Variants in NTNG2 observed in about 807,000 individuals in gnomAD.
NTNG2 encodes netrin-G2.
A neutral mutation model predicts 47.6 loss-of-function variants in NTNG2; 15 were observed. The observed-to-expected ratio is 0.32, with a 90% CI of 0.21 to 0.49. The LOEUF (loss-of-function observed/expected upper bound fraction) is 0.49. Among genes scored for constraint, NTNG2 ranks in the 20% least tolerant of loss-of-function variants. The pLI is 0.99. For synonymous variants in NTNG2, 307 were observed against 324.6 expected, an observed-to-expected ratio of 0.95 and a Z score of 0.58; for missense variants, 578 against 764.6, an observed-to-expected ratio of 0.76 and a Z score of 2.88.
intron 2 of NTNG2, among the ~76,000 whole-genome samples, chr9:132,184,230 G>A (rs955060382): frequency 4.6e-5 from 7 of 152,184 alleles, no homozygotes; most frequent in East Asian, 1.9e-4. Context: ...AGAAACCCTC[G>A]GAGGTCGCAG....
intron 2 of NTNG2, among the ~76,000 whole-genome samples, chr9:132,167,434 C>G (rs901899748): frequency 6.6e-6 from 1 of 152,230 alleles, no homozygotes; most frequent in African/African-American, 2.4e-5. Context: ...TGTAAGCTCC[C>G]TCTGTTCATC....
chr9:132,234,324 G>A (rs1378304823), intron 5 of NTNG2, among the ~76,000 whole-genome samples: 2 of 152,160 alleles, frequency 1.3e-5, no homozygotes, highest in African/African-American at 2.4e-5. Context: ...CACCGCACCC[G>A]GCCAAGTAGT....
chr9:132,184,257 G>A (rs990333065), intron 2 of NTNG2, among the ~76,000 whole-genome samples: 1 of 152,218 alleles, frequency 6.6e-6, no homozygotes, highest in African/African-American at 2.4e-5. Context: ...GCTGTTCTCA[G>A]GGGCAGGCCC....
intron 3 of NTNG2, among the ~76,000 whole-genome samples, chr9:132,211,803 G>A (rs972559884): frequency 6.6e-6 from 1 of 152,162 alleles, no homozygotes; most frequent in African/African-American, 2.4e-5. Flanking sequence ...GTACACGTCT[G>A]ACACCCGCCC....
chr9:132,225,706 C>T (rs757613369), intron 3 of NTNG2, among the ~76,000 whole-genome samples: 1 of 152,130 alleles, frequency 6.6e-6, no homozygotes, highest in Non-Finnish European at 1.5e-5. Context: ...CATTTGTTTG[C>T]GTGTTTGATT....
In NTNG2 at chr9:132,166,972, G is replaced by A. The variant is rs148374128; in HGVS notation, c.141G>A (p.Lys47=). The A allele has an allele frequency of 1.9e-5, 31 of 1,614,142 alleles. No individual in the cohort carries two copies. The highest frequency in any genetic ancestry group is 4.0e-5 in the African/African-American group (3 of 74,946). ...GCCAGCCCAAGGTGATGCGCCTGAAGGACTACGTCAAGGTGAAGGTGGAGC... is the reference window on the plus strand; with the variant it reads ...GCCAGCCCAAGGTGATGCGCCTGAAAGACTACGTCAAGGTGAAGGTGGAGC... ...YACQPKVMRL[K]DYVKVKVEPS... The change falls in exon 2 of 8, where the codon AAG becomes AAA. Residue 47 remains lysine (K), a synonymous_variant. Transcript: ENST00000393229.
rs1470039619 is a variant in NTNG2 at position 132,162,553 on chromosome 9, T to TGA, written c.-484+315_-484+316insAG. 8.5e-5 allele frequency among the ~76,000 whole-genome samples: 8 copies of TGA among 93,926 alleles called. No individual in the cohort carries two copies. The highest frequency in any genetic ancestry group is 3.8e-4 in the African/African-American group (7 of 18,620). The allele number at this position is 93,926 out of a possible 152,430, so 61.6% of individuals were successfully genotyped here. Reference sequence around the variant, plus strand: ...GTGTGAGAGTGTGTGTGTGTGTGTGTGTGAGAGAGAGACAGAGTGTGTGTG... The same window carrying TGA: ...GTGTGAGAGTGTGTGTGTGTGTGTGTGAGTGAGAGAGAGACAGAGTGTGTGTG... On this transcript the variant is annotated intron_variant, in intron 1 of 7. Transcript: ENST00000393229. The surrounding 1 kb of genome is among the most constrained non-coding windows in gnomAD (Gnocchi z 4.6).
At chr9:132,176,318 T>C (rs1004183239) in intron 2 of NTNG2, among the ~76,000 whole-genome samples, 3 of 152,144 alleles carry the variant, frequency 2.0e-5, no homozygotes, top group Non-Finnish European at 2.9e-5. Flanking sequence ...ATCGCCCCAA[T>C]AGAAAACCCT....
intron 2 of NTNG2, among the ~76,000 whole-genome samples, chr9:132,185,867 A>G (rs1159290333): frequency 1.4e-5 from 2 of 148,052 alleles, no homozygotes; most frequent in Non-Finnish European, 3.0e-5. Flanking sequence ...TGGGAGGAGG[A>G]GGAGGAGTGG....
At position 132,236,454 on chromosome 9, in the gene NTNG2, G is replaced by A. The variant is rs1182590814; in HGVS notation, c.1055-2650G>A. ...TGGCCCCAGCTCACCAAGCCTGGGT[G>A]GGGAATTAGGGCCTGAGGTCTAGGG... is the stretch of plus-strand genomic sequence containing the variant. On this transcript the variant is annotated intron_variant, in intron 5 of 7. Coordinates refer to ENST00000393229, the MANE Select transcript of NTNG2 (RefSeq NM_032536.4). This position sits in a 1 kb window ranked among gnomAD's most constrained non-coding sequence, Gnocchi z 4.3. Among the ~76,000 whole-genome samples, 1 of 152,200 alleles carries A rather than the reference G, an allele frequency of 6.6e-6. No individual in the cohort carries two copies.
In NTNG2 at chr9:132,241,977, G is replaced by A; in HGVS notation, c.1459G>A (p.Glu487Lys). 1 of 1,522,666 alleles carries A rather than the reference G, an allele frequency of 6.6e-7. No homozygotes were observed. Among genetic ancestry groups the A allele is most frequent in the Non-Finnish European group, 8.7e-7 (1 of 1,143,948 alleles). The allele number at this position is 1,522,666 out of a possible 1,614,324, so 94.3% of individuals were successfully genotyped here. The change falls in exon 8 of 8, where the codon GAG becomes AAG. Residue 487 changes from glutamate (E) to lysine (K), a missense_variant. Coordinates refer to ENST00000393229, the MANE Select transcript of NTNG2 (RefSeq NM_032536.4). ...GCGCGGCTACACCGGCGTGCGCTGC[G>A]AGCAGCCCCGCTGCGACCCCGCCGA... ...CPRGYTGVRC[E>K]QPRCDPADDD...
chr9:132,201,231 GC>G (rs945492920), intron 3 of NTNG2, among the ~76,000 whole-genome samples: 8 of 152,248 alleles, frequency 5.3e-5, no homozygotes, highest in African/African-American at 1.9e-4. Context: ...TCTGCATCCT[GC>G]CTTGATTTCC....
rs1440400207 is a variant in NTNG2 at position 132,180,438 on chromosome 9, C to T, written c.213+13394C>T. Among the ~76,000 whole-genome samples the T allele has an allele frequency of 1.3e-5, 2 of 152,342 alleles. No individual in the cohort carries two copies. The highest frequency in any genetic ancestry group is 4.1e-4 in the South Asian group (2 of 4,832). On this transcript the variant is annotated intron_variant, in intron 2 of 7. Transcript: ENST00000393229. The surrounding 1 kb of genome is among the most constrained non-coding windows in gnomAD (Gnocchi z 4.2). ...TGGAGAAGGCTGTTAATCCAGAACG[C>T]ACCTTGTCTCTGCCCCTGTCCCCAC...
chr9:132,206,569 A>G (rs1363702233), intron 3 of NTNG2, among the ~76,000 whole-genome samples: 1 of 152,226 alleles, frequency 6.6e-6, no homozygotes, highest in Non-Finnish European at 1.5e-5. Context: ...CGGGAGGCTG[A>G]GGCAGGAGAA....
rs986752791 is a variant in NTNG2, at chr9:132,215,341, G to A, written c.858-11508G>A. On this transcript the variant is annotated intron_variant, in intron 3 of 7. Coordinates refer to ENST00000393229, the MANE Select transcript of NTNG2 (RefSeq NM_032536.4). The surrounding 1 kb of genome is among the most constrained non-coding windows in gnomAD (Gnocchi z 4.2). ...TATACCTGTAATCCCAGCATTTTGG[G>A]AGGCCGAGGTGGGCGGATCATTTGA... Among the ~76,000 whole-genome samples the A allele has an allele frequency of 6.6e-5, 10 of 152,124 alleles. No homozygotes were observed. Among genetic ancestry groups the A allele is most frequent in the African/African-American group, 2.4e-4 (10 of 41,422 alleles).
At chr9:132,202,626 A>G (rs968124316) in intron 3 of NTNG2, among the ~76,000 whole-genome samples, 1 of 152,126 alleles carries the variant, frequency 6.6e-6, no homozygotes, top group Non-Finnish European at 1.5e-5. Flanking sequence ...CAGAATCTGG[A>G]TTTGAGGAGG....
At chr9:132,189,931 G>A (rs562981593) in intron 2 of NTNG2, among the ~76,000 whole-genome samples, 4 of 148,756 alleles carry the variant, frequency 2.7e-5, no homozygotes, top group Admixed American at 1.3e-4. Context: ...TTACAGGCGT[G>A]AGCAACTGTG....
intron 2 of NTNG2, among the ~76,000 whole-genome samples, chr9:132,188,727 C>T (rs919141914): frequency 6.6e-6 from 1 of 152,184 alleles, no homozygotes; most frequent in African/African-American, 2.4e-5. Context: ...CTGGCACCAC[C>T]GAGGCACTTG....
chr9:132,210,671 C>G (rs750025192), intron 3 of NTNG2, among the ~76,000 whole-genome samples: 10 of 152,182 alleles, frequency 6.6e-5, no homozygotes, highest in Non-Finnish European at 1.3e-4. Context: ...GCCTCACCAG[C>G]TGCGATTGGG....
Sources: allele counts gnomAD v4.1 joint callset (sites outside exome capture counted in the v4.1 genomes callset), GRCh38; gene constraint gnomAD v4.1.1; non-coding constraint Gnocchi (gnomAD v3.1); transcripts MANE v1.5; gene names NCBI Gene and HGNC (gene_info 2026-07-23, HGNC 2026-07-21).